Variants in CLYBL observed in about 807,000 individuals in gnomAD.
CLYBL encodes the protein citramalyl-CoA lyase, mitochondrial.
CLYBL carries 31 observed loss-of-function variants against 38.9 expected under a neutral mutation model. That is an observed-to-expected ratio of 0.80 (90% CI 0.60 to 1.08). The LOEUF (loss-of-function observed/expected upper bound fraction) is 1.08. CLYBL is among the 50% of genes least tolerant of loss of function. The pLI is 0.00. For synonymous variants in CLYBL, 171 were observed against 158.6 expected, an observed-to-expected ratio of 1.08 and a Z score of -0.59; for missense variants, 434 against 411.6, an observed-to-expected ratio of 1.05 and a Z score of -0.47.
At chr13:99,749,714 C>T (rs1476172293) in intron 1 of CLYBL, among the ~76,000 whole-genome samples, 2 of 152,188 alleles carry the variant, frequency 1.3e-5, no homozygotes, top group African/African-American at 4.8e-5. Context: ...GCAGGCTGCA[C>T]GCTTATTTAT....
intron 1 of CLYBL, among the ~76,000 whole-genome samples, chr13:99,634,660 CTTA>C (rs2046994209): frequency 7.2e-6 from 1 of 138,996 alleles, no homozygotes; most frequent in South Asian, 2.7e-4. Context: ...GGATGTATTA[CTTA>C]TTTTTTTAAA....
intron 2 of CLYBL, among the ~76,000 whole-genome samples, chr13:99,832,378 C>T (rs1436350820): frequency 6.6e-6 from 1 of 152,184 alleles, no homozygotes. Flanking sequence ...TTGTTACCTT[C>T]CCTCTACTTC....
In CLYBL at chr13:99,866,061, G is replaced by A. The variant is rs117036837; in HGVS notation, c.635-179G>A. Among the ~76,000 whole-genome samples, 14 of 152,284 alleles carry A rather than the reference G, an allele frequency of 9.2e-5. No individual in the cohort carries two copies. In the East Asian group the frequency reaches 2.5e-3, roughly 27 times the overall value. ...CCTTGTCAGTTAAACAGACACATTCGAGGTTTAACTTGGCCTCCACGCGTC... is the reference window on the plus strand; with the variant it reads ...CCTTGTCAGTTAAACAGACACATTCAAGGTTTAACTTGGCCTCCACGCGTC... On this transcript the variant is annotated intron_variant, in intron 5 of 8. Coordinates refer to ENST00000339105, the MANE Select transcript of CLYBL (RefSeq NM_206808.5).
chr13:99,842,856 G>A (rs1188933196), intron 2 of CLYBL, among the ~76,000 whole-genome samples: 1 of 152,110 alleles, frequency 6.6e-6, no homozygotes, highest in African/African-American at 2.4e-5. Context: ...GCAGCAAGCT[G>A]TCATGGTGCT....
downstream of CLYBL, among the ~76,000 whole-genome samples, chr13:99,898,044 A>G (rs1240446103): frequency 6.6e-6 from 1 of 152,202 alleles, no homozygotes; most frequent in Non-Finnish European, 1.5e-5. Context: ...ACATAAATAA[A>G]GGAGTTGATA....
chr13:99,770,779 T>A (rs1226880636), intron 1 of CLYBL, among the ~76,000 whole-genome samples: 1 of 150,964 alleles, frequency 6.6e-6, no homozygotes, highest in Admixed American at 6.6e-5. Flanking sequence ...TGGAGTGCAG[T>A]GGTGCGATCT....
chr13:99,801,460 A>G (rs1222360801), intron 2 of CLYBL, among the ~76,000 whole-genome samples: 1 of 152,058 alleles, frequency 6.6e-6, no homozygotes, highest in African/African-American at 2.4e-5. Context: ...ATCAGCCTGA[A>G]TGTGACATCT....
chr13:99,893,816 C>T (rs568243592), downstream of CLYBL: 1 of 152,512 alleles, frequency 6.6e-6, no homozygotes, highest in Non-Finnish European at 1.5e-5. Flanking sequence ...GCCGGACCGG[C>T]TAGGCCTCCC....
chr13:99,759,991 G>A (rs1049917486), intron 1 of CLYBL, among the ~76,000 whole-genome samples: 14 of 151,984 alleles, frequency 9.2e-5, no homozygotes, highest in Non-Finnish European at 2.1e-4. Flanking sequence ...TTTGATTACC[G>A]GTTCAATCTC....
At chr13:99,610,682 G>A (rs1260424070) in intron 1 of CLYBL, among the ~76,000 whole-genome samples, 3 of 152,120 alleles carry the variant, frequency 2.0e-5, no homozygotes, top group African/African-American at 7.2e-5. Flanking sequence ...GAGACTGAAG[G>A]TTAGCTAGAC....
At chr13:99,763,580 G>A (rs534078584) in intron 1 of CLYBL, among the ~76,000 whole-genome samples, 1 of 132,206 alleles carries the variant, frequency 7.6e-6, no homozygotes, top group Non-Finnish European at 1.6e-5. Context: ...ACTAGACAGA[G>A]TCTTGCTCTT....
At chr13:99,859,142 A>G in intron 3 of CLYBL, 93 bp downstream of exon 3, 1 of 934,622 alleles carries the variant, frequency 1.1e-6, no homozygotes, top group African/African-American at 1.7e-5. Flanking sequence ...TGGAAAATGC[A>G]TGCAGAGAGC....
At chr13:99,845,633 G>C in intron 2 of CLYBL, among the ~76,000 whole-genome samples, 1 of 152,100 alleles carries the variant, frequency 6.6e-6, no homozygotes, top group East Asian at 1.9e-4. Flanking sequence ...CCCAGTGTTT[G>C]TGAGCTAGGT....
At chr13:99,683,718 T>C (rs1434153571) in intron 1 of CLYBL, among the ~76,000 whole-genome samples, 1 of 150,544 alleles carries the variant, frequency 6.6e-6, no homozygotes, top group Admixed American at 6.6e-5. Flanking sequence ...AGGACCCACA[T>C]GAGTCTATTT....
At chr13:99,658,084 C>G (rs1434586233) in intron 1 of CLYBL, among the ~76,000 whole-genome samples, 2 of 152,180 alleles carry the variant, frequency 1.3e-5, no homozygotes, top group Non-Finnish European at 2.9e-5. Flanking sequence ...AGCAGTGGGG[C>G]ACAGGGACGT....
intron 1 of CLYBL, among the ~76,000 whole-genome samples, chr13:99,608,090 A>C (rs1239493624): frequency 1.1e-5 from 1 of 93,162 alleles, no homozygotes; most frequent in Non-Finnish European, 1.9e-5. Context: ...TTTTTTTCCG[A>C]GATGGAGTTT....
At chr13:99,700,574 G>T (rs1214177818) in intron 1 of CLYBL, among the ~76,000 whole-genome samples, 1 of 152,200 alleles carries the variant, frequency 6.6e-6, no homozygotes, top group Non-Finnish European at 1.5e-5. Context: ...GTGATGGGAA[G>T]TCTGGGGCTT....
intron 1 of CLYBL, among the ~76,000 whole-genome samples, chr13:99,730,020 G>A (rs535513265): frequency 1.6e-5 from 2 of 123,362 alleles, no homozygotes; most frequent in Admixed American, 8.2e-5. Context: ...CCCTACCACC[G>A]TTGGTCCCAC....
At chr13:99,661,313 CTTACTGTAG>C (rs1471964178) in intron 1 of CLYBL, among the ~76,000 whole-genome samples, 1 of 146,442 alleles carries the variant, frequency 6.8e-6, no homozygotes, top group African/African-American at 2.8e-5. Context: ...ACTTTTTACT[CTTACTGTAG>C]TTACTCTAGT....
Sources: allele counts gnomAD v4.1 joint callset (sites outside exome capture counted in the v4.1 genomes callset), GRCh38; gene constraint gnomAD v4.1.1; transcripts MANE v1.5; gene names NCBI Gene and HGNC (gene_info 2026-07-23, HGNC 2026-07-21).